The following MAPKAP1 variants were observed in gnomAD, a reference collection of about 807,000 sequenced individuals.
MAPKAP1 encodes target of rapamycin complex 2 subunit MAPKAP1.
Under a neutral mutation model 65.7 loss-of-function variants are expected in MAPKAP1, and 20 were observed. The observed-to-expected ratio is 0.30, with a 90% CI of 0.21 to 0.44. The LOEUF is 0.44. Among genes scored for constraint, MAPKAP1 ranks in the 20% least tolerant of loss-of-function variants. MAPKAP1 has a pLI of 1.00. For synonymous variants in MAPKAP1, 222 were observed against 244.3 expected (o/e 0.91, Z 0.85); for missense variants, 423 against 648.0 (o/e 0.65, Z 3.77).
intron 6 of MAPKAP1, among the ~76,000 whole-genome samples, chr9:125,550,775 G>A (rs898621294): frequency 3.3e-5 from 5 of 152,142 alleles, no homozygotes; most frequent in African/African-American, 9.7e-5. Context: ...TTCCATACAC[G>A]AGGACAATCT....
At chr9:125,702,963 TAGTG>T (rs2131885828) in intron 1 of MAPKAP1, among the ~76,000 whole-genome samples, 1 of 152,262 alleles carries the variant, frequency 6.6e-6, no homozygotes, top group East Asian at 1.9e-4. Flanking sequence ...TTCAAGGCTG[TAGTG>T]AGCTATTACC....
At chr9:125,515,159 C>A (rs939359957) in intron 7 of MAPKAP1, among the ~76,000 whole-genome samples, 1 of 152,104 alleles carries the variant, frequency 6.6e-6, no homozygotes, top group African/African-American at 2.4e-5. Flanking sequence ...TGAGCCAATA[C>A]ACCATTTGCT....
intron 4 of MAPKAP1, among the ~76,000 whole-genome samples, chr9:125,646,278 CA>C (rs1833723249): frequency 6.6e-6 from 1 of 152,050 alleles, no homozygotes; most frequent in African/African-American, 2.4e-5. Context: ...CCCAGGAGAC[CA>C]GCCTGGACAA....
Position 125,596,303 on chromosome 9 carries a change from T to C in MAPKAP1, c.499-10576A>G, listed in dbSNP as rs1360399168. ...GTCGTGAAGGTGACTTCGGTAGGAA[T>C]GACAACTTTGGTCATGGAGGAAACT... On this transcript the variant is annotated intron_variant, in intron 4 of 11. Coordinates refer to ENST00000265960, the MANE Select transcript of MAPKAP1 (RefSeq NM_001006617.3). 17 of 760,568 alleles carry C rather than the reference T, an allele frequency of 2.2e-5. No individual in the cohort carries two copies. In the East Asian group the frequency reaches 3.4e-4, roughly 15 times the overall value. The allele number at this position is 760,568 out of a possible 1,614,324, so 47.1% of individuals were successfully genotyped here.
chr9:125,574,201 C>T (rs1016049411), intron 5 of MAPKAP1, among the ~76,000 whole-genome samples: 53 of 152,144 alleles, frequency 3.5e-4, no homozygotes, highest in Admixed American at 2.4e-3. Flanking sequence ...CCATTTTATC[C>T]TGAATACTTA....
intron 4 of MAPKAP1, among the ~76,000 whole-genome samples, chr9:125,618,818 A>G (rs1419819051): frequency 2.0e-5 from 3 of 152,150 alleles, no homozygotes; most frequent in Admixed American, 6.5e-5. Flanking sequence ...CCACCCCCGC[A>G]CCTTTATTCT....
chr9:125,694,195 G>C (rs751753684), intron 1 of MAPKAP1, among the ~76,000 whole-genome samples: 21 of 151,826 alleles, frequency 1.4e-4, no homozygotes, highest in Non-Finnish European at 2.2e-4. Context: ...AGGTGTGGTG[G>C]TGCACACCCG....
At chr9:125,543,411 C>T (rs1198113025) in intron 6 of MAPKAP1, among the ~76,000 whole-genome samples, 2 of 151,318 alleles carry the variant, frequency 1.3e-5, no homozygotes, top group African/African-American at 2.4e-5. Flanking sequence ...GGACTACAGG[C>T]GCCCGCCACT....
At chr9:125,676,739 C>T (rs1206693787) in intron 1 of MAPKAP1, among the ~76,000 whole-genome samples, 4 of 152,200 alleles carry the variant, frequency 2.6e-5, no homozygotes, top group Non-Finnish European at 4.4e-5. Flanking sequence ...ATGAACTACA[C>T]ATTTAAAAAT....
intron 9 of MAPKAP1, among the ~76,000 whole-genome samples, chr9:125,476,913 G>A (rs1486115753): frequency 6.6e-6 from 1 of 152,208 alleles, no homozygotes; most frequent in Non-Finnish European, 1.5e-5. Context: ...CACAGCTGGA[G>A]ATGCTGCCTC....
At chr9:125,581,498 T>G (rs1418282616) in intron 5 of MAPKAP1, among the ~76,000 whole-genome samples, 2 of 152,268 alleles carry the variant, frequency 1.3e-5, no homozygotes, top group East Asian at 1.9e-4. Context: ...TTCAGTGATA[T>G]GTCTGTTTAT....
At chr9:125,608,676 C>T (rs1056028471) in intron 4 of MAPKAP1, among the ~76,000 whole-genome samples, 6 of 152,150 alleles carry the variant, frequency 3.9e-5, no homozygotes, top group Admixed American at 1.3e-4. Context: ...ACTGCTTTTC[C>T]GACGCCTGCG....
intron 9 of MAPKAP1, among the ~76,000 whole-genome samples, chr9:125,468,898 T>C (rs1853789181): frequency 6.6e-6 from 1 of 152,200 alleles, no homozygotes; most frequent in South Asian, 2.1e-4. Flanking sequence ...ATAAAGGTGT[T>C]TGCAGAACAA....
intron 10 of MAPKAP1, among the ~76,000 whole-genome samples, chr9:125,458,672 C>T (rs1347846709): frequency 6.6e-6 from 1 of 150,608 alleles, no homozygotes; most frequent in Non-Finnish European, 1.5e-5. Flanking sequence ...CACCCCTCCC[C>T]CCTTTCTATT....
At chr9:125,548,904 GTTATA>G (rs1239325486) in intron 6 of MAPKAP1, among the ~76,000 whole-genome samples, 1 of 152,184 alleles carries the variant, frequency 6.6e-6, no homozygotes, top group African/African-American at 2.4e-5. Flanking sequence ...TTTGTCTGGA[GTTATA>G]TAATAAGTTA....
rs1181351130 is a variant in MAPKAP1 at position 125,519,604 on chromosome 9, G to A, written c.959-13187C>T. ...TGATCATGCCACTGCACTCCATCCT[G>A]GATGACAAAGCAAGACCTTGTCTAA... On this transcript the variant is annotated intron_variant, in intron 7 of 11. Coordinates refer to ENST00000265960, the MANE Select transcript of MAPKAP1 (RefSeq NM_001006617.3). Among the ~76,000 whole-genome samples the A allele has an allele frequency of 2.0e-5, 3 of 150,064 alleles. No homozygotes were observed. In the East Asian group the frequency reaches 5.9e-4, roughly 29 times the overall value.
intron 5 of MAPKAP1, among the ~76,000 whole-genome samples, chr9:125,580,093 G>A (rs181263851): frequency 3.9e-5 from 6 of 152,292 alleles, no homozygotes; most frequent in Admixed American, 6.5e-5. Flanking sequence ...TGATGGGAGC[G>A]TAAACTAGTT....
intron 4 of MAPKAP1, among the ~76,000 whole-genome samples, chr9:125,645,228 G>T (rs1002880383): frequency 6.6e-6 from 1 of 152,194 alleles, no homozygotes; most frequent in African/African-American, 2.4e-5. Context: ...TTGCAGAAGA[G>T]CTACAGAGGC....
chr9:125,688,824 T>C (rs1408694626), intron 1 of MAPKAP1, among the ~76,000 whole-genome samples: 1 of 152,208 alleles, frequency 6.6e-6, no homozygotes. Context: ...ATCAGTAAAC[T>C]TCGGCACAAA....
Sources: allele counts gnomAD v4.1 joint callset (sites outside exome capture counted in the v4.1 genomes callset), GRCh38; gene constraint gnomAD v4.1.1; transcripts MANE v1.5; gene names NCBI Gene and HGNC (gene_info 2026-07-23, HGNC 2026-07-21).